CREB5: variants seen among roughly 807,000 people sequenced by gnomAD.
CREB5 encodes the protein cAMP responsive element binding protein 5.
CREB5 carries 19 observed loss-of-function variants against 57.1 expected under a neutral mutation model. The observed-to-expected ratio is 0.33, with a 90% CI of 0.23 to 0.49. The LOEUF (loss-of-function observed/expected upper bound fraction) is 0.49, where lower values mean the gene tolerates loss of function less well. CREB5 is among the 20% of genes least tolerant of loss of function. The pLI is 0.99. For missense variants in CREB5, 579 were observed against 671.6 expected, an observed-to-expected ratio of 0.86 and a Z score of 1.52; for synonymous variants, 238 against 238.3, an observed-to-expected ratio of 1.00 and a Z score of 0.01.
At chr7:28,672,093 A>G (rs971662742) in intron 5 of CREB5, among the ~76,000 whole-genome samples, 3 of 152,072 alleles carry the variant, frequency 2.0e-5, no homozygotes, top group Admixed American at 6.6e-5. Context: ...CAATCATCCC[A>G]AACAATTAAA....
At chr7:28,655,314 G>A (rs1252040309) in intron 5 of CREB5, among the ~76,000 whole-genome samples, 2 of 152,146 alleles carry the variant, frequency 1.3e-5, no homozygotes, top group Non-Finnish European at 2.9e-5. Flanking sequence ...AAAAGCATTT[G>A]AACAAAATAA....
chr7:28,771,014 G>A (rs576993710), intron 7 of CREB5, among the ~76,000 whole-genome samples: 14 of 152,288 alleles, frequency 9.2e-5, no homozygotes, highest in East Asian at 1.9e-4. Context: ...ATAGCAAATC[G>A]TCCTGTGGTG....
intron 5 of CREB5, among the ~76,000 whole-genome samples, chr7:28,683,872 C>T (rs1800721782): frequency 6.6e-6 from 1 of 152,156 alleles, no homozygotes; most frequent in South Asian, 2.1e-4. Context: ...GAAAATCCTA[C>T]AGAGAACATT....
rs149363660 is a variant in CREB5, at chr7:28,602,859, A to G, written c.464+32322A>G. Among the ~76,000 whole-genome samples, 558 of 152,334 alleles carry G rather than the reference A, an allele frequency of 3.7e-3. 3 individuals carry two copies. The highest frequency in any genetic ancestry group is 6.1e-3 in the Admixed American group (93 of 15,300). ...TAAATATACACACTCACAAAACTGCATGTAAAATCGGTGAAATCTGAATAA... is the reference window on the plus strand; with the variant it reads ...TAAATATACACACTCACAAAACTGCGTGTAAAATCGGTGAAATCTGAATAA... On this transcript the variant is annotated intron_variant, in intron 5 of 10. Transcript: ENST00000357727.
At chr7:28,524,565 T>G (rs1271008864) in intron 4 of CREB5, among the ~76,000 whole-genome samples, 3 of 152,172 alleles carry the variant, frequency 2.0e-5, no homozygotes, top group Admixed American at 2.0e-4. Flanking sequence ...TAAAAATACC[T>G]AATAACATAG....
intron 1 of CREB5, among the ~76,000 whole-genome samples, chr7:28,380,097 C>A (rs6963615): frequency 0.45 from 68,517 of 152,032 alleles, 17,462 homozygotes; most frequent in East Asian, 0.71. Flanking sequence ...CTGATGCATG[C>A]TATGGTTTGA....
intron 4 of CREB5, among the ~76,000 whole-genome samples, chr7:28,562,244 CA>C (rs1476999275): frequency 2.6e-5 from 4 of 152,250 alleles, no homozygotes; most frequent in African/African-American, 9.6e-5. Flanking sequence ...GAAACATGGA[CA>C]ATTCAAGGCA....
At chr7:28,765,377 T>C (rs1805906669) in intron 7 of CREB5, among the ~76,000 whole-genome samples, 1 of 152,248 alleles carries the variant, frequency 6.6e-6, no homozygotes, top group East Asian at 1.9e-4. Context: ...AAAATATTTA[T>C]TCAATATTAT....
At chr7:28,534,160 C>T (rs560679983) in intron 4 of CREB5, among the ~76,000 whole-genome samples, 5 of 152,320 alleles carry the variant, frequency 3.3e-5, no homozygotes, top group Admixed American at 2.0e-4. Flanking sequence ...ACTTGCCCTT[C>T]GTATTATTGT....
At chr7:28,424,333 C>A (rs980853728) in intron 1 of CREB5, among the ~76,000 whole-genome samples, 1 of 152,188 alleles carries the variant, frequency 6.6e-6, no homozygotes, top group African/African-American at 2.4e-5. Flanking sequence ...AGGCAGCACC[C>A]AGGTCAGGTA....
At chr7:28,383,087 A>T (rs1583410979) in intron 1 of CREB5, among the ~76,000 whole-genome samples, 2 of 152,288 alleles carry the variant, frequency 1.3e-5, no homozygotes, top group East Asian at 3.9e-4. Context: ...AGGCAGGAAG[A>T]GGCATAGATT....
intron 3 of CREB5, among the ~76,000 whole-genome samples, chr7:28,502,795 C>T (rs904785878): frequency 1.3e-5 from 2 of 152,180 alleles, no homozygotes; most frequent in Admixed American, 6.5e-5. Context: ...GATGGGACCC[C>T]TGCATTTTCC....
chr7:28,483,333 T>C (rs1207448789), intron 1 of CREB5, among the ~76,000 whole-genome samples: 1 of 152,226 alleles, frequency 6.6e-6, no homozygotes, highest in Non-Finnish European at 1.5e-5. Context: ...AGATTCTTGC[T>C]CATTGCGAGG....
At chr7:28,312,050 G>GT (rs904636077) in intron 1 of CREB5, among the ~76,000 whole-genome samples, 4 of 152,122 alleles carry the variant, frequency 2.6e-5, no homozygotes, top group African/African-American at 4.8e-5. Flanking sequence ...TGTAAAGACC[G>GT]TTTTTTTGAG....
intron 9 of CREB5, among the ~76,000 whole-genome samples, chr7:28,814,587 A>G (rs1809313861): frequency 6.6e-6 from 1 of 152,246 alleles, no homozygotes; most frequent in African/African-American, 2.4e-5. Context: ...ATAAAAGTCA[A>G]GATGGACTCT....
At chr7:28,528,731 G>A (rs1319062014) in intron 4 of CREB5, among the ~76,000 whole-genome samples, 1 of 142,418 alleles carries the variant, frequency 7.0e-6, no homozygotes, top group African/African-American at 2.6e-5. Context: ...AAAAAAAAGA[G>A]CGTGATTATA....
chr7:28,649,559 A>G (rs1015943962), intron 5 of CREB5, among the ~76,000 whole-genome samples: 2 of 152,166 alleles, frequency 1.3e-5, no homozygotes, highest in African/African-American at 4.8e-5. Flanking sequence ...GACATATAGT[A>G]TGGGTCATAC....
chr7:28,659,918 A>G (rs1799531886), intron 5 of CREB5, among the ~76,000 whole-genome samples: 2 of 152,306 alleles, frequency 1.3e-5, no homozygotes, highest in South Asian at 4.1e-4. Context: ...TTTCTAGAAG[A>G]CATAATAAGA....
chr7:28,320,050 C>G (rs1156400875), intron 1 of CREB5, among the ~76,000 whole-genome samples: 1 of 152,048 alleles, frequency 6.6e-6, no homozygotes, highest in East Asian at 1.9e-4. Context: ...CATACCTCAG[C>G]CTCCCAAGTA....
Sources: gnomAD v4.1 joint callset for allele counts (sites outside exome capture counted in the v4.1 genomes callset) on GRCh38, gnomAD v4.1.1 for gene constraint, MANE v1.5 for transcripts, NCBI Gene and HGNC (gene_info 2026-07-23, HGNC 2026-07-21) for gene names.